TBC1D5: variants seen among roughly 807,000 people sequenced by gnomAD.
The protein encoded by TBC1D5 is TBC1 domain family, member 5.
Under a neutral mutation model 100.3 loss-of-function variants are expected in TBC1D5, and 75 were observed. The observed-to-expected ratio is 0.75, with a 90% confidence interval of 0.62 to 0.91. TBC1D5 has a LOEUF of 0.91. Ranked by LOEUF, TBC1D5 falls within the 40% of genes least tolerant of loss-of-function variation. TBC1D5 has a pLI of 0.00. For missense variants in TBC1D5, 910 were observed against 942.4 expected, an observed-to-expected ratio of 0.97 and a Z score of 0.45; for synonymous variants, 323 against 325.6, an observed-to-expected ratio of 0.99 and a Z score of 0.09.
At chr3:17,564,966 A>T (rs1341303028) in intron 2 of TBC1D5, among the ~76,000 whole-genome samples, 1 of 151,962 alleles carries the variant, frequency 6.6e-6, no homozygotes, top group Non-Finnish European at 1.5e-5. Context: ...GAAAAAAATG[A>T]AAGTTGAGAA....
Position 17,696,629 on chromosome 3 carries a change from A to C in TBC1D5, c.-101+42714T>G, listed in dbSNP as rs545205540. On this transcript the variant is annotated intron_variant, in intron 1 of 21. Coordinates refer to ENST00000253692, the Ensembl canonical transcript of TBC1D5. ...ATAATTAACAGCCTACCAACCAAAA[A>C]AAAGTCCAGGACCAGACGGATTCAC... Among the ~76,000 whole-genome samples the C allele has an allele frequency of 9.8e-5, 15 of 152,320 alleles. No homozygotes were observed. In the East Asian group the frequency reaches 2.9e-3, roughly 29 times the overall value.
At chr3:17,434,733 T>G (rs1470474871) in intron 3 of TBC1D5, among the ~76,000 whole-genome samples, 1 of 152,228 alleles carries the variant, frequency 6.6e-6, no homozygotes, top group Non-Finnish European at 1.5e-5. Flanking sequence ...TGGAGACATT[T>G]TCCCCATTGT....
chr3:17,569,682 G>C (rs1258178416), intron 2 of TBC1D5, among the ~76,000 whole-genome samples: 1 of 151,166 alleles, frequency 6.6e-6, no homozygotes, highest in African/African-American at 2.4e-5. Flanking sequence ...TTCTTAAAAA[G>C]GAACCAAGGG....
At chr3:17,194,473 T>C (rs552925443) in intron 18 of TBC1D5, among the ~76,000 whole-genome samples, 3 of 152,328 alleles carry the variant, frequency 2.0e-5, no homozygotes, top group South Asian at 4.1e-4. Context: ...GTTTATTCTA[T>C]TGTAAACACA....
At chr3:17,234,618 T>C (rs2075711949) in intron 17 of TBC1D5, among the ~76,000 whole-genome samples, 1 of 152,166 alleles carries the variant, frequency 6.6e-6, no homozygotes, top group Admixed American at 6.6e-5. Flanking sequence ...TCTCTGGATA[T>C]ATCACCATCT....
chr3:17,695,911 G>A (rs1201352479), intron 1 of TBC1D5, among the ~76,000 whole-genome samples: 6 of 152,182 alleles, frequency 3.9e-5, no homozygotes, highest in Admixed American at 1.3e-4. Flanking sequence ...TCAGACCACA[G>A]TGCAATCAAA....
At position 17,561,812 on chromosome 3, in the gene TBC1D5, G is replaced by A. The variant is rs533841123; in HGVS notation, c.-35-53207C>T. Among the ~76,000 whole-genome samples the A allele has an allele frequency of 3.1e-4, 47 of 152,274 alleles. 1 individual carries two copies. In the South Asian group the frequency reaches 9.7e-3, roughly 32 times the overall value. On this transcript the variant is annotated intron_variant, in intron 2 of 21. Coordinates refer to ENST00000253692, the Ensembl canonical transcript of TBC1D5. ...GATCCTAACCCCAAAACATGACAAA[G>A]AGAGCACAAGAGGAACGATCTCACA... is the stretch of plus-strand genomic sequence containing the variant.
chr3:17,302,879 A>G (rs1263852765), intron 14 of TBC1D5, among the ~76,000 whole-genome samples: 3 of 152,212 alleles, frequency 2.0e-5, no homozygotes, highest in South Asian at 4.1e-4. Context: ...GATTTAAACT[A>G]CTAAGTGTAA....
intron 1 of TBC1D5, among the ~76,000 whole-genome samples, chr3:17,689,900 TC>T (rs61658104): frequency 0.57 from 86,793 of 151,510 alleles, 25,633 homozygotes; most frequent in East Asian, 0.99. Context: ...ATAGGACCCC[TC>T]CCCCCCAAAA....
intron 4 of TBC1D5, among the ~76,000 whole-genome samples, chr3:17,409,870 A>G (rs2093875773): frequency 6.6e-6 from 1 of 152,190 alleles, no homozygotes; most frequent in Non-Finnish European, 1.5e-5. Flanking sequence ...CCATCTCCAT[A>G]ACATAAAATT....
At chr3:17,539,141 G>A (rs770247107) in intron 2 of TBC1D5, among the ~76,000 whole-genome samples, 3 of 152,058 alleles carry the variant, frequency 2.0e-5, no homozygotes, top group Admixed American at 6.5e-5. Context: ...AGCCAAGATC[G>A]CACCACTGCA....
At chr3:17,457,602 T>G (rs1430654802) in intron 3 of TBC1D5, among the ~76,000 whole-genome samples, 1 of 152,240 alleles carries the variant, frequency 6.6e-6, no homozygotes, top group African/African-American at 2.4e-5. Flanking sequence ...TTCAACATAT[T>G]CATCATAGTT....
At chr3:17,459,257 A>AG (rs2095154200) in intron 3 of TBC1D5, among the ~76,000 whole-genome samples, 1 of 152,182 alleles carries the variant, frequency 6.6e-6, no homozygotes, top group Non-Finnish European at 1.5e-5. Flanking sequence ...TTCCACAGGT[A>AG]GGGGCACAGG....
intron 4 of TBC1D5, among the ~76,000 whole-genome samples, chr3:17,416,463 A>G (rs2094074895): frequency 6.6e-6 from 1 of 152,202 alleles, no homozygotes; most frequent in East Asian, 1.9e-4. Flanking sequence ...CATAATACAC[A>G]TTCAATTTTT....
At chr3:17,167,136 A>G (rs1165457366) in intron 20 of TBC1D5, among the ~76,000 whole-genome samples, 5 of 152,226 alleles carry the variant, frequency 3.3e-5, no homozygotes, top group African/African-American at 1.2e-4. Flanking sequence ...GAAAAACGTC[A>G]GGACATTTAA....
At chr3:17,563,339 A>G (rs1222535667) in intron 2 of TBC1D5, among the ~76,000 whole-genome samples, 1 of 152,228 alleles carries the variant, frequency 6.6e-6, no homozygotes. Flanking sequence ...GGAGTCTTGC[A>G]TACAAAGTGG....
At chr3:17,320,154 G>A (rs2085218121) in intron 13 of TBC1D5, among the ~76,000 whole-genome samples, 1 of 152,138 alleles carries the variant, frequency 6.6e-6, no homozygotes, top group Admixed American at 6.5e-5. Context: ...CTTACTTCAT[G>A]TTACCTCAGC....
intron 2 of TBC1D5, chr3:17,622,866 T>C (rs2062778873): frequency 6.6e-6 from 1 of 152,190 alleles, no homozygotes; most frequent in Admixed American, 6.5e-5. Context: ...GATACTGCCA[T>C]GGCCAAAAGA....
chr3:17,565,509 G>A (rs1169619350), intron 2 of TBC1D5, among the ~76,000 whole-genome samples: 1 of 152,098 alleles, frequency 6.6e-6, no homozygotes, highest in Non-Finnish European at 1.5e-5. Flanking sequence ...AAAGGGCAAA[G>A]TGATATGCCA....
Sources: gnomAD v4.1 joint callset for allele counts (sites outside exome capture counted in the v4.1 genomes callset) on GRCh38, gnomAD v4.1.1 for gene constraint, MANE v1.5 for transcripts, NCBI Gene and HGNC (gene_info 2026-07-23, HGNC 2026-07-21) for gene names.